CACNA2D3: variants seen among roughly 807,000 people sequenced by gnomAD.
CACNA2D3 encodes calcium voltage-gated channel auxiliary subunit alpha2delta 3, also known as voltage-dependent calcium channel subunit alpha-2/delta-3.
CACNA2D3 carries 60 observed loss-of-function variants against 160.6 expected under a neutral mutation model. That is an observed-to-expected ratio of 0.37 (90% CI 0.30 to 0.46). The LOEUF (loss-of-function observed/expected upper bound fraction) is 0.46, where lower values mean the gene tolerates loss of function less well. Ranked by LOEUF, CACNA2D3 falls within the 20% of genes least tolerant of loss-of-function variation. The pLI, the probability that CACNA2D3 is intolerant of heterozygous loss-of-function variation, is 1.00. For synonymous variants in CACNA2D3, 558 were observed against 492.9 expected (o/e 1.13, Z -1.75); for missense variants, 1,205 against 1,365.0 (o/e 0.88, Z 1.85).
At chr3:54,123,638 A>G in intron 2 of CACNA2D3, 44 bp downstream of exon 2, 2 of 1,474,936 alleles carry the variant, frequency 1.4e-6, no homozygotes, top group Non-Finnish European at 9.5e-7. Flanking sequence ...TTTCCGGCAC[A>G]GAAAATGGAG....
At chr3:54,969,644 C>A (rs1438524348) in intron 28 of CACNA2D3, among the ~76,000 whole-genome samples, 156 bp from the exon 29 acceptor site, 2 of 152,190 alleles carry the variant, frequency 1.3e-5, no homozygotes, top group African/African-American at 4.8e-5. Flanking sequence ...AGACAAGACA[C>A]ATCATGGAGC....
intron 4 of CACNA2D3, among the ~76,000 whole-genome samples, chr3:54,491,349 G>A (rs1168688881): frequency 1.3e-5 from 2 of 152,220 alleles, no homozygotes; most frequent in African/African-American, 4.8e-5. Flanking sequence ...TAGGAAACAA[G>A]CCCTTTGCGG....
chr3:54,779,195 T>A (rs139011374), intron 13 of CACNA2D3, among the ~76,000 whole-genome samples: 411 of 152,092 alleles, frequency 2.7e-3, no homozygotes, highest in African/African-American at 9.6e-3. Context: ...CCTCCCAGGC[T>A]CAAGTGATTC....
In CACNA2D3 at chr3:55,018,641, G is replaced by A. The variant is rs183890317; in HGVS notation, c.2987+324G>A. Among the ~76,000 whole-genome samples the A allele has an allele frequency of 1.8e-3, 267 of 151,992 alleles. No individual in the cohort carries two copies. The Middle Eastern group carries it at 0.024, about 14-fold the overall frequency. ...CAATTTGAACTGTGTGTTCAAGAAT[G>A]TCCTTACGTATCTTTACTGAAGGCA... On this transcript the variant is annotated intron_variant, in intron 35 of 37. Coordinates refer to ENST00000474759, the MANE Select transcript of CACNA2D3 (RefSeq NM_018398.3).
intron 4 of CACNA2D3, among the ~76,000 whole-genome samples, chr3:54,466,620 T>A (rs1700631993): frequency 6.6e-6 from 1 of 152,164 alleles, no homozygotes; most frequent in African/African-American, 2.4e-5. Context: ...TACTTACTTT[T>A]TTAAAAAAGA....
chr3:54,994,193 T>C (rs539771703), intron 31 of CACNA2D3, among the ~76,000 whole-genome samples: 1 of 152,282 alleles, frequency 6.6e-6, no homozygotes, highest in Non-Finnish European at 1.5e-5. Context: ...CTCCTGTCTC[T>C]GTGTGGTGGG....
intron 3 of CACNA2D3, among the ~76,000 whole-genome samples, chr3:54,327,476 C>T (rs1227146490): frequency 6.6e-6 from 1 of 152,186 alleles, no homozygotes; most frequent in Non-Finnish European, 1.5e-5. Flanking sequence ...AGAACCATTG[C>T]ATCAAACCCT....
intron 5 of CACNA2D3, among the ~76,000 whole-genome samples, chr3:54,511,195 G>T (rs1477178972): frequency 6.6e-6 from 1 of 152,262 alleles, no homozygotes. Context: ...TTTCCCTCTG[G>T]CCCTAGCCCT....
intron 9 of CACNA2D3, among the ~76,000 whole-genome samples, chr3:54,585,181 A>T (rs749491947): frequency 6.6e-6 from 1 of 152,206 alleles, no homozygotes; most frequent in Non-Finnish European, 1.5e-5. Flanking sequence ...GCCTAACACC[A>T]TCTGATGTGA....
intron 2 of CACNA2D3, among the ~76,000 whole-genome samples, chr3:54,225,447 C>G (rs1701654207): frequency 3.3e-5 from 5 of 152,194 alleles, no homozygotes; most frequent in Admixed American, 3.3e-4. Context: ...TAGACCTTTT[C>G]ACAATATCCT....
At chr3:54,619,378 G>A (rs995128151) in intron 9 of CACNA2D3, among the ~76,000 whole-genome samples, 1 of 152,200 alleles carries the variant, frequency 6.6e-6, no homozygotes, top group African/African-American at 2.4e-5. Context: ...CACCAATTCT[G>A]AGCTCATCAC....
intron 10 of CACNA2D3, among the ~76,000 whole-genome samples, chr3:54,636,792 G>T (rs1308265918): frequency 6.6e-6 from 1 of 152,018 alleles, no homozygotes; most frequent in African/African-American, 2.4e-5. Flanking sequence ...ATTATGCCGA[G>T]ATAGGTAACA....
intron 18 of CACNA2D3, chr3:54,875,244 C>T (rs1699632500): frequency 6.6e-6 from 1 of 152,190 alleles, no homozygotes; most frequent in African/African-American, 2.4e-5. Flanking sequence ...ACTCCCCCAC[C>T]CCCTCCAAAC....
chr3:54,983,397 C>G (rs1702548368), intron 29 of CACNA2D3, among the ~76,000 whole-genome samples: 1 of 152,194 alleles, frequency 6.6e-6, no homozygotes, highest in African/African-American at 2.4e-5. Flanking sequence ...TTCCATGATG[C>G]TATCTCCTGA....
intron 31 of CACNA2D3, among the ~76,000 whole-genome samples, chr3:54,999,828 T>C (rs898436148): frequency 6.6e-6 from 1 of 152,230 alleles, no homozygotes; most frequent in Non-Finnish European, 1.5e-5. Context: ...AAGAACAGTA[T>C]CAGCAAAATG....
chr3:54,463,709 G>T (rs1434871393), intron 4 of CACNA2D3, among the ~76,000 whole-genome samples: 1 of 152,064 alleles, frequency 6.6e-6, no homozygotes, highest in Non-Finnish European at 1.5e-5. Context: ...TTTTGCCTTT[G>T]GTTTGAATTT....
At chr3:54,685,036 T>C (rs915687905) in intron 11 of CACNA2D3, among the ~76,000 whole-genome samples, 10 of 152,218 alleles carry the variant, frequency 6.6e-5, no homozygotes, top group African/African-American at 2.4e-4. Flanking sequence ...ATCTATCAAC[T>C]CCTGCATGTG....
intron 35 of CACNA2D3, among the ~76,000 whole-genome samples, chr3:55,058,635 T>C (rs888789502): frequency 1.3e-5 from 2 of 152,174 alleles, no homozygotes. Flanking sequence ...ATATGTTTTT[T>C]TTAAATAGAA....
At chr3:54,598,552 A>T (rs1309651534) in intron 9 of CACNA2D3, among the ~76,000 whole-genome samples, 2 of 152,150 alleles carry the variant, frequency 1.3e-5, no homozygotes, top group African/African-American at 2.4e-5. Context: ...AAGACAGAGG[A>T]TATAAAGGAT....
Sources: gnomAD v4.1 joint callset for allele counts (sites outside exome capture counted in the v4.1 genomes callset) on GRCh38, gnomAD v4.1.1 for gene constraint, MANE v1.5 for transcripts, NCBI Gene and HGNC (gene_info 2026-07-23, HGNC 2026-07-21) for gene names.